SNX29: variants seen among roughly 807,000 people sequenced by gnomAD.
SNX29 encodes sorting nexin 29, also known as sorting nexin-29.
A neutral mutation model predicts 102.1 loss-of-function variants in SNX29; 78 were observed. The observed-to-expected ratio is 0.76, with a 90% CI of 0.64 to 0.92. The LOEUF is 0.92. Among genes scored for constraint, SNX29 ranks in the 40% least tolerant of loss-of-function variants. The pLI, the probability that SNX29 is intolerant of heterozygous loss-of-function variation, is 0.00. For synonymous variants in SNX29, 580 were observed against 414.5 expected, an observed-to-expected ratio of 1.40 and a Z score of -4.85; for missense variants, 1,280 against 1,061.7, an observed-to-expected ratio of 1.21 and a Z score of -2.86.
intron 10 of SNX29, among the ~76,000 whole-genome samples, chr16:12,074,979 C>A (rs556060822): frequency 6.6e-6 from 1 of 152,336 alleles, no homozygotes; most frequent in South Asian, 2.1e-4. Context: ...CTTCTGCATT[C>A]TTCACCTAGT....
intron 15 of SNX29, among the ~76,000 whole-genome samples, chr16:12,291,665 A>G (rs1458314514): frequency 6.6e-6 from 1 of 152,206 alleles, no homozygotes; most frequent in East Asian, 1.9e-4. Flanking sequence ...TACTCTGTAG[A>G]GTTAACTTAG....
intron 15 of SNX29, among the ~76,000 whole-genome samples, chr16:12,308,755 C>G (rs576038825): frequency 6.6e-6 from 1 of 152,134 alleles, no homozygotes; most frequent in African/African-American, 2.4e-5. Flanking sequence ...CCATCAGTTT[C>G]TCAGCTGGAG....
chr16:12,435,167 TCTCC>T (rs905671162), intron 18 of SNX29, among the ~76,000 whole-genome samples: 14 of 152,194 alleles, frequency 9.2e-5, no homozygotes, highest in African/African-American at 3.4e-4. Flanking sequence ...GCCCTCTGCC[TCTCC>T]GTCTTTCTTC....
At chr16:12,484,326 A>G (rs1042276021) in intron 19 of SNX29, among the ~76,000 whole-genome samples, 1 of 152,100 alleles carries the variant, frequency 6.6e-6, no homozygotes, top group African/African-American at 2.4e-5. Context: ...TGTTTAGATT[A>G]TTCTAACTCC....
At chr16:12,261,528 A>G (rs1424266718) in intron 14 of SNX29, among the ~76,000 whole-genome samples, 69 of 79,014 alleles carry the variant, frequency 8.7e-4, no homozygotes, top group Non-Finnish European at 1.0e-3. Context: ...GGGTCTGTGC[A>G]CGTGTCCCCG....
intron 20 of SNX29, among the ~76,000 whole-genome samples, chr16:12,558,238 CAG>C (rs758865530): frequency 6.6e-6 from 1 of 152,030 alleles, no homozygotes; most frequent in African/African-American, 2.4e-5. Context: ...TCAGCCCCCC[CAG>C]TAGATGGTAT....
At position 12,128,301 on chromosome 16, in the gene SNX29, C is replaced by T. The variant is rs2054305247; in HGVS notation, c.1467-1329C>T. On this transcript the variant is annotated intron_variant, in intron 12 of 20. Transcript: ENST00000566228. The stretch of plus-strand genomic sequence containing the variant: ...ACTGTCTGTTACTTTTTTGTACTTC[C>T]CAGAAAGAAAAGAAAAATTATACCA... 3.3e-5 allele frequency among the ~76,000 whole-genome samples: 5 copies of T among 152,000 alleles called. No homozygotes were observed. In the South Asian group the frequency reaches 1.0e-3, roughly 32 times the overall value.
chr16:12,523,397 T>C (rs1183758635), intron 19 of SNX29, among the ~76,000 whole-genome samples: 1 of 152,214 alleles, frequency 6.6e-6, no homozygotes, highest in East Asian at 1.9e-4. Context: ...CTCAGCTCTT[T>C]GTTTCTTCAC....
intron 20 of SNX29, among the ~76,000 whole-genome samples, chr16:12,542,160 C>G (rs902591981): frequency 5.3e-5 from 8 of 152,182 alleles, no homozygotes; most frequent in African/African-American, 1.9e-4. Flanking sequence ...TGGGCTCCTG[C>G]TGGGTGTCAG....
intron 20 of SNX29, among the ~76,000 whole-genome samples, chr16:12,538,868 T>C (rs570968787): frequency 7.9e-5 from 12 of 151,656 alleles, no homozygotes; most frequent in African/African-American, 2.9e-4. Flanking sequence ...GAACGGTAGA[T>C]GGGGCCATTT....
At chr16:12,532,259 A>G (rs190997475) in intron 20 of SNX29, among the ~76,000 whole-genome samples, 23 of 152,340 alleles carry the variant, frequency 1.5e-4, no homozygotes, top group African/African-American at 5.5e-4. Context: ...CCAAGAAGTA[A>G]AAAGTTTTGG....
chr16:12,483,831 T>C (rs1445519263), intron 19 of SNX29, among the ~76,000 whole-genome samples: 1 of 152,170 alleles, frequency 6.6e-6, no homozygotes, highest in Non-Finnish European at 1.5e-5. Context: ...TAGGGGCAAG[T>C]CAGGTGGTGG....
rs779501777 is a variant in SNX29 at position 12,078,928 on chromosome 16, G to A, written c.1402+13G>A. The stretch of plus-strand genomic sequence containing the variant: ...TCCATGACAATTAGTAAGTACTTTC[G>A]CAGCCCCCTCCACCAGCTCTGGGAT... On this transcript the variant is annotated intron_variant, in intron 11 of 20. Coordinates refer to ENST00000566228, the MANE Select transcript of SNX29 (RefSeq NM_032167.5). 5 of 1,587,412 alleles carry A rather than the reference G, an allele frequency of 3.1e-6. No individual in the cohort carries two copies. Among genetic ancestry groups the A allele is most frequent in the Admixed American group, 3.6e-5 (2 of 55,864 alleles).
chr16:12,467,121 A>G (rs1234345639), intron 18 of SNX29, among the ~76,000 whole-genome samples: 3 of 152,174 alleles, frequency 2.0e-5, no homozygotes, highest in Admixed American at 2.0e-4. Context: ...TTCACTTCTA[A>G]CTAGCTCTTT....
intron 10 of SNX29, among the ~76,000 whole-genome samples, chr16:12,072,811 G>A: frequency 6.6e-6 from 1 of 152,052 alleles, no homozygotes; most frequent in Admixed American, 6.5e-5. Context: ...ACTCTTTTTG[G>A]TTGGTAAGCT....
chr16:12,435,369 T>A (rs1046393970), intron 18 of SNX29, among the ~76,000 whole-genome samples: 2 of 152,228 alleles, frequency 1.3e-5, no homozygotes, highest in Admixed American at 6.5e-5. Flanking sequence ...TCCCATTTAT[T>A]AAACTGATGA....
chr16:12,431,295 C>T (rs1005225430), intron 18 of SNX29, among the ~76,000 whole-genome samples: 3 of 151,946 alleles, frequency 2.0e-5, no homozygotes, highest in African/African-American at 7.3e-5. Flanking sequence ...CTGTGAAGGT[C>T]GAAACAGTGC....
At chr16:12,202,088 C>T (rs370494722) in intron 14 of SNX29, among the ~76,000 whole-genome samples, 8 of 152,276 alleles carry the variant, frequency 5.3e-5, no homozygotes, top group African/African-American at 9.6e-5. Context: ...CGGTTACGTA[C>T]GTACGGCGAC....
intron 11 of SNX29, among the ~76,000 whole-genome samples, chr16:12,094,108 C>T (rs2151418451): frequency 6.6e-6 from 1 of 152,258 alleles, no homozygotes; most frequent in Non-Finnish European, 1.5e-5. Context: ...GCTAACTGTG[C>T]CTCAGCGTTC....
Sources: gnomAD v4.1 joint callset for allele counts (sites outside exome capture counted in the v4.1 genomes callset) on GRCh38, gnomAD v4.1.1 for gene constraint, MANE v1.5 for transcripts, NCBI Gene and HGNC (gene_info 2026-07-23, HGNC 2026-07-21) for gene names.